Variants in ANKRD60 observed in about 807,000 individuals in gnomAD.
The protein encoded by ANKRD60 is ankyrin repeat domain 60, also known as ankyrin repeat domain-containing protein 60.
A neutral mutation model predicts 21.3 loss-of-function variants in ANKRD60; 24 were observed. That is an observed-to-expected ratio of 1.13 (90% CI 0.82 to 1.59). ANKRD60 has a LOEUF of 1.59. Among genes scored for constraint, ANKRD60 ranks in the 40% most tolerant of loss-of-function variants. ANKRD60 has a pLI of 0.00. For synonymous variants in ANKRD60, 182 were observed against 199.4 expected (o/e 0.91, Z 0.74); for missense variants, 490 against 466.7 (o/e 1.05, Z -0.46).
chr20:58,218,017 AAC>A (rs1246563492), downstream of ANKRD60, among the ~76,000 whole-genome samples: 2 of 152,212 alleles, frequency 1.3e-5, no homozygotes, highest in Admixed American at 1.3e-4. Flanking sequence ...GGAAACCTGG[AAC>A]ATTAGCTGTG....
At chr20:58,218,567 C>T (rs1231515264) in exon 4 of ANKRD60, 1 of 1,551,724 alleles carries the variant, frequency 6.4e-7, no homozygotes, top group Admixed American at 2.0e-5. Flanking sequence ...TCTTCATGAC[C>T]AAGTCATTCA....
chr20:58,228,246 CT>C lies in ANKRD60; in HGVS notation c.407del (p.Gln136ArgfsTer11). 1 of 1,550,416 alleles carries C rather than the reference CT, an allele frequency of 6.4e-7. No homozygotes were observed. Among genetic ancestry groups the C allele is most frequent in the Admixed American group, 2.0e-5 (1 of 50,892 alleles). On this transcript the variant is annotated frameshift_variant, in exon 1 of 4. Transcript: ENST00000457363. LOFTEE classifies it high-confidence loss of function. This position sits in a 1 kb window ranked among gnomAD's most constrained non-coding sequence, Gnocchi z 5.3. The stretch of plus-strand genomic sequence containing the variant: ...CACCTTCGTCGAGGTACTGGAGCCG[CT>C]GGAGGTTGAAGGGGATGCCGACCAT...
chr20:58,218,836 G>A, intron 3 of ANKRD60, 31 bp from the exon 4 acceptor site: 1 of 1,452,086 alleles, frequency 6.9e-7, no homozygotes, highest in Non-Finnish European at 9.3e-7. Flanking sequence ...CCAGAAGGAA[G>A]ACATGCGGAG....
chr20:58,223,236 C>A, intron 1 of ANKRD60, 54 bp from the exon 2 acceptor site: 1 of 1,431,848 alleles, frequency 7.0e-7, no homozygotes, highest in African/African-American at 1.4e-5. Context: ...AGATAAACTA[C>A]TACATTGGTT....
chr20:58,227,943 G>C (rs971645258), intron 1 of ANKRD60, among the ~76,000 whole-genome samples: 1 of 152,144 alleles, frequency 6.6e-6, no homozygotes, highest in Non-Finnish European at 1.5e-5. Context: ...GATGCAGCCC[G>C]ATCCAGGCAG....
intron 3 of ANKRD60, among the ~76,000 whole-genome samples, chr20:58,219,193 A>G (rs1984194998): frequency 6.6e-6 from 1 of 151,940 alleles, no homozygotes; most frequent in African/African-American, 2.4e-5. Flanking sequence ...ATCCTGCCCC[A>G]GGCCCATTCA....
At chr20:58,221,369 G>C (rs769232846) in exon 3 of ANKRD60, 3 of 1,551,930 alleles carry the variant, frequency 1.9e-6, no homozygotes, top group Non-Finnish European at 1.7e-6. Context: ...CAGCATCAAA[G>C]TGGCCTCTGT....
rs1411958456 is a variant in ANKRD60 at position 58,221,351 on chromosome 20, G to C, written c.714C>G (p.Tyr238Ter). 2 of 1,552,276 alleles carry C rather than the reference G, an allele frequency of 1.3e-6. No homozygotes were observed. The highest frequency in any genetic ancestry group is 1.7e-6 in the Non-Finnish European group (2 of 1,147,092). ...TACCAGAATTACCGTGTTCTAGAAG[G>C]TACTGCACAGCATCAAAGTGGCCTC... is the stretch of plus-strand genomic sequence containing the variant. The change falls in exon 3 of 4, where the codon TAC (tyrosine) becomes TAG (stop). Residue 238 changes from tyrosine (Y) to a stop codon, truncating the protein, a stop_gained. Coordinates refer to ENST00000457363, the Ensembl canonical transcript of ANKRD60. LOFTEE classifies it low-confidence loss of function (END_TRUNC).
At position 58,228,286 on chromosome 20, in the gene ANKRD60, T is replaced by C. The variant is rs1340939698; in HGVS notation, c.368A>G (p.Glu123Gly). 3 of 1,551,314 alleles carry C rather than the reference T, an allele frequency of 1.9e-6. No individual in the cohort carries two copies. The highest frequency in any genetic ancestry group is 2.4e-5 in the South Asian group (2 of 84,054). ...GATGCCGACCATCAGGTCCAGCTCCTCTTTGAGCTCCCGCACGGTCATGTC... is the reference window on the plus strand; with the variant it reads ...GATGCCGACCATCAGGTCCAGCTCCCCTTTGAGCTCCCGCACGGTCATGTC... Residue 123 changes from glutamate to glycine, a missense_variant, in exon 1 of 4, where the codon GAG becomes GGG. Glu to Gly is a moderately conservative substitution (Grantham distance 98, BLOSUM62 -2). Transcript: ENST00000457363. The surrounding 1 kb of genome is among the most constrained non-coding windows in gnomAD (Gnocchi z 5.3).
intron 1 of ANKRD60, among the ~76,000 whole-genome samples, chr20:58,224,756 G>A (rs1035180764): frequency 3.3e-5 from 5 of 152,178 alleles, no homozygotes; most frequent in Admixed American, 6.5e-5. Flanking sequence ...TTGCTGAGAC[G>A]GGCAAGAGTA....
Position 58,225,946 on chromosome 20 carries a change from A to G in ANKRD60, c.430+2278T>C, listed in dbSNP as rs562776130. Among the ~76,000 whole-genome samples the G allele has an allele frequency of 5.9e-5, 9 of 152,250 alleles. 1 individual carries two copies. The highest frequency in any genetic ancestry group is 2.2e-4 in the African/African-American group (9 of 41,538). On this transcript the variant is annotated intron_variant, in intron 1 of 3. Coordinates refer to ENST00000457363, the Ensembl canonical transcript of ANKRD60. The stretch of plus-strand genomic sequence containing the variant: ...CAGGGAAGGAGACTGATGGAAGGAG[A>G]GATGGGCTCTAGGGTGCCTGGCCTC...
chr20:58,223,353 C>T (rs1303133279), intron 1 of ANKRD60, among the ~76,000 whole-genome samples, 171 bp from the exon 2 acceptor site: 14 of 152,150 alleles, frequency 9.2e-5, no homozygotes, highest in Non-Finnish European at 2.1e-4. Flanking sequence ...GTTGGTAATG[C>T]TTTTCAGAAA....
chr20:58,217,472 C>T (rs676985), downstream of ANKRD60, among the ~76,000 whole-genome samples: 118,130 of 151,598 alleles, frequency 0.78, 48,622 homozygotes, highest in Non-Finnish European at 0.91. Context: ...TTCAAAAAGC[C>T]AGATTTCCAG....
chr20:58,218,674 C>T (rs778948404), exon 4 of ANKRD60: 1 of 1,551,340 alleles, frequency 6.4e-7, no homozygotes, highest in Non-Finnish European at 8.7e-7. Context: ...ATGGGGGTCT[C>T]CCCCTTGGCA....
At chr20:58,221,111 T>C (rs1984241456) in intron 3 of ANKRD60, among the ~76,000 whole-genome samples, 1 of 152,128 alleles carries the variant, frequency 6.6e-6, no homozygotes, top group African/African-American at 2.4e-5. Flanking sequence ...GCAGAAAGAA[T>C]CTTCTCGAGA....
In ANKRD60 at chr20:58,221,299, C is replaced by G. The variant is rs113611752; in HGVS notation, c.727+39G>C. 5.2e-6 allele frequency: 8 copies of G among 1,536,192 alleles called. No individual in the cohort carries two copies. The African/African-American group carries it at 5.5e-5, about 11-fold the overall frequency. On this transcript the variant is annotated intron_variant, in intron 3 of 3. Coordinates refer to ENST00000457363, the Ensembl canonical transcript of ANKRD60. ...TCTGTCCTTTCTACCTGCAAAAAAT[C>G]CCAACTCATGAATATAGCAAGCTTT...
At chr20:58,221,991 T>C (rs1475543322) in intron 2 of ANKRD60, among the ~76,000 whole-genome samples, 1 of 152,000 alleles carries the variant, frequency 6.6e-6, no homozygotes, top group African/African-American at 2.4e-5. Context: ...CACCTCGTGG[T>C]GAATTAAGTC....
chr20:58,222,989 T>C (rs1600684047), intron 2 of ANKRD60, 63 bp downstream of exon 2: 6 of 1,487,510 alleles, frequency 4.0e-6, no homozygotes, highest in Admixed American at 4.8e-5. Context: ...AGACTAATTT[T>C]CCCCCCACAA....
In ANKRD60 at chr20:58,220,174, A is replaced by G. The variant is rs1984216913; in HGVS notation, c.727+1164T>C. ...GGAGGCAAGTTGATACAGGAGACCC[A>G]TGGGAAAGGCCCCTCCTGAGCCCAA... On this transcript the variant is annotated intron_variant, in intron 3 of 3. Coordinates refer to ENST00000457363, the Ensembl canonical transcript of ANKRD60. Among the ~76,000 whole-genome samples, 4 of 152,338 alleles carry G rather than the reference A, an allele frequency of 2.6e-5. No individual in the cohort carries two copies. In the South Asian group the frequency reaches 8.3e-4, roughly 32 times the overall value.
Sources: gnomAD v4.1 joint callset for allele counts (sites outside exome capture counted in the v4.1 genomes callset) on GRCh38, gnomAD v4.1.1 for gene constraint, Gnocchi (gnomAD v3.1) non-coding constraint, MANE v1.5 for transcripts, NCBI Gene and HGNC (gene_info 2026-07-23, HGNC 2026-07-21) for gene names.